SUCLG2: variants seen among roughly 807,000 people sequenced by gnomAD.
SUCLG2 encodes the protein succinate-CoA ligase GDP-forming subunit beta.
A neutral mutation model predicts 47.9 loss-of-function variants in SUCLG2; 42 were observed. That is an observed-to-expected ratio of 0.88 (90% confidence interval 0.69 to 1.14). The LOEUF (loss-of-function observed/expected upper bound fraction) is 1.14, where lower values mean the gene tolerates loss of function less well. Ranked by LOEUF, SUCLG2 falls within the 50% of genes most tolerant of loss-of-function variation. The probability of loss-of-function intolerance (pLI) is 0.00; values close to 1 mark genes in which losing one functional copy is unlikely to be tolerated. For synonymous variants in SUCLG2, 195 were observed against 197.3 expected (o/e 0.99, Z 0.10); for missense variants, 571 against 525.9 (o/e 1.09, Z -0.84).
intron 2 of SUCLG2, among the ~76,000 whole-genome samples, chr3:67,566,294 A>G (rs1192595975): frequency 1.3e-5 from 2 of 152,226 alleles, no homozygotes; most frequent in African/African-American, 4.8e-5. Context: ...AAAATGGTTA[A>G]GTACGTTTTA....
chr3:67,407,773 A>T (rs1246030182), intron 9 of SUCLG2, among the ~76,000 whole-genome samples: 4 of 146,782 alleles, frequency 2.7e-5, no homozygotes, highest in Non-Finnish European at 5.9e-5. Flanking sequence ...GGACTTTTTT[A>T]AAAAAATCAC....
chr3:67,631,633 A>T lies in SUCLG2; in HGVS notation c.85-22037T>A, dbSNP rs140942674. On this transcript the variant is annotated intron_variant, in intron 1 of 10. Coordinates refer to ENST00000307227, the MANE Select transcript of SUCLG2 (RefSeq NM_003848.4). Reference sequence around the variant, plus strand: ...CAGAGTGAGACTCCGTTTCAAAAAAAATAAAAAAATAAAGTATTTACTACG... The same window carrying T: ...CAGAGTGAGACTCCGTTTCAAAAAATATAAAAAAATAAAGTATTTACTACG... Among the ~76,000 whole-genome samples, 41 of 152,218 alleles carry T rather than the reference A, an allele frequency of 2.7e-4. 1 individual carries two copies. The highest frequency in any genetic ancestry group is 9.1e-4 in the African/African-American group (38 of 41,536).
At chr3:67,396,492 T>G (rs2106803233) in intron 10 of SUCLG2, among the ~76,000 whole-genome samples, 1 of 152,294 alleles carries the variant, frequency 6.6e-6, no homozygotes, top group East Asian at 1.9e-4. Context: ...AATCTCTGAA[T>G]AGACCAATAA....
chr3:67,450,473 A>G (rs183082872), intron 9 of SUCLG2, among the ~76,000 whole-genome samples: 1 of 152,260 alleles, frequency 6.6e-6, no homozygotes, highest in Non-Finnish European at 1.5e-5. Flanking sequence ...AAAGAACTAA[A>G]GAGGGAATAC....
chr3:67,403,942 G>A (rs1180222164), intron 9 of SUCLG2, among the ~76,000 whole-genome samples: 1 of 152,170 alleles, frequency 6.6e-6, no homozygotes, highest in Non-Finnish European at 1.5e-5. Flanking sequence ...CTGGAGTGCA[G>A]TGGCACAATC....
At chr3:67,575,252 T>C (rs1707715689) in intron 2 of SUCLG2, among the ~76,000 whole-genome samples, 1 of 152,200 alleles carries the variant, frequency 6.6e-6, no homozygotes, top group South Asian at 2.1e-4. Flanking sequence ...ACATGAATAT[T>C]CACAGCAGTA....
chr3:67,430,402 T>C (rs542402294), intron 9 of SUCLG2, among the ~76,000 whole-genome samples: 1 of 152,104 alleles, frequency 6.6e-6, no homozygotes, highest in East Asian at 1.9e-4. Flanking sequence ...TTGAAACCAA[T>C]GAGAACAAAG....
intron 10 of SUCLG2, among the ~76,000 whole-genome samples, chr3:67,377,403 C>A (rs1232472810): frequency 5.9e-5 from 9 of 152,184 alleles, no homozygotes; most frequent in Non-Finnish European, 1.2e-4. Flanking sequence ...TGGCTTTGCA[C>A]CACAGACTCC....
intron 10 of SUCLG2, among the ~76,000 whole-genome samples, chr3:67,366,907 A>G (rs1342546887): frequency 6.6e-6 from 1 of 152,212 alleles, no homozygotes; most frequent in Non-Finnish European, 1.5e-5. Context: ...ACACCTCAAT[A>G]TAGATCAACA....
At chr3:67,400,600 CTG>C (rs1190241488) in intron 10 of SUCLG2, 129 bp downstream of exon 10, 1 of 1,299,384 alleles carries the variant, frequency 7.7e-7, no homozygotes, top group Non-Finnish European at 1.1e-6. Flanking sequence ...TCCTGCCGTA[CTG>C]TGTTTGTTTC....
chr3:67,405,700 A>G (rs981925177), intron 9 of SUCLG2, among the ~76,000 whole-genome samples: 3 of 152,164 alleles, frequency 2.0e-5, no homozygotes, highest in Non-Finnish European at 2.9e-5. Flanking sequence ...TTTCAGAGGA[A>G]TAGTGAATTC....
chr3:67,576,758 A>G (rs1707752968), intron 2 of SUCLG2, among the ~76,000 whole-genome samples: 1 of 152,222 alleles, frequency 6.6e-6, no homozygotes, highest in South Asian at 2.1e-4. Flanking sequence ...AAATAAAAAT[A>G]TCTCAAACTG....
intron 9 of SUCLG2, among the ~76,000 whole-genome samples, chr3:67,470,416 T>C (rs1222675040): frequency 2.6e-5 from 4 of 152,234 alleles, no homozygotes; most frequent in Non-Finnish European, 4.4e-5. Context: ...AATGATGCAA[T>C]GGTTTGAATG....
intron 2 of SUCLG2, among the ~76,000 whole-genome samples, chr3:67,600,460 A>G (rs1708394658): frequency 6.6e-6 from 1 of 152,202 alleles, no homozygotes; most frequent in South Asian, 2.1e-4. Flanking sequence ...CCTATTTTAT[A>G]GTCAAGTAAA....
Position 67,375,154 on chromosome 3 carries a change from C to T in SUCLG2, c.*590G>A, listed in dbSNP as rs79866937. 22 of 985,158 alleles carry T rather than the reference C, an allele frequency of 2.2e-5. No homozygotes were observed. The East Asian group carries it at 2.4e-3, about 107-fold the overall frequency. 61.0% of individuals were successfully genotyped at this position (985,158 alleles called of 1,614,324 possible). On this transcript the variant is annotated 3_prime_UTR_variant, in exon 11 of 11. Coordinates refer to ENST00000307227, the MANE Select transcript of SUCLG2 (RefSeq NM_003848.4). ...GGATGGTATATTAATGCAGATATTC[C>T]ATTATTAAATATATTTTGGAATACT...
At position 67,383,404 on chromosome 3, in the gene SUCLG2, G is replaced by C. The variant is rs554199380; in HGVS notation, c.1184-7545C>G. Among the ~76,000 whole-genome samples the C allele has an allele frequency of 4.4e-4, 67 of 152,280 alleles. 1 individual carries two copies. The highest frequency in any genetic ancestry group is 1.6e-3 in the African/African-American group (66 of 41,566). On this transcript the variant is annotated intron_variant, in intron 10 of 10. Coordinates refer to ENST00000307227, the MANE Select transcript of SUCLG2 (RefSeq NM_003848.4). ...GCTTTGAGGCTTTAGATTTCTCCTT[G>C]AATGTGAATCATATCTAAATGCTTT...
rs569467111 is a variant in SUCLG2 at position 67,586,950 on chromosome 3, C to T, written c.226+22505G>A. Among the ~76,000 whole-genome samples, 3 of 152,266 alleles carry T rather than the reference C, an allele frequency of 2.0e-5. No individual in the cohort carries two copies. In the East Asian group the frequency reaches 5.8e-4, roughly 29 times the overall value. The stretch of plus-strand genomic sequence containing the variant: ...CGACTATCCTCCTCCTGCTCCTCCT[C>T]ATCATCATCATCACTATCAGACAGC... On this transcript the variant is annotated intron_variant, in intron 2 of 10. Coordinates refer to ENST00000307227, the MANE Select transcript of SUCLG2 (RefSeq NM_003848.4).
chr3:67,450,352 T>C (rs1488076926), intron 9 of SUCLG2, among the ~76,000 whole-genome samples: 1 of 152,318 alleles, frequency 6.6e-6, no homozygotes, highest in East Asian at 1.9e-4. Flanking sequence ...AAATGTACAA[T>C]AGTTTTATTA....
chr3:67,444,129 T>G (rs1241875554), intron 9 of SUCLG2, among the ~76,000 whole-genome samples: 1 of 55,598 alleles, frequency 1.8e-5, no homozygotes, highest in Non-Finnish European at 3.7e-5. Flanking sequence ...GCCCCCCGCC[T>G]GGCCAGCCGT....
Sources: allele counts gnomAD v4.1 joint callset (sites outside exome capture counted in the v4.1 genomes callset), GRCh38; gene constraint gnomAD v4.1.1; transcripts MANE v1.5; gene names NCBI Gene and HGNC (gene_info 2026-07-23, HGNC 2026-07-21).